PPP2R2B: variants seen among roughly 807,000 people sequenced by gnomAD.
PPP2R2B encodes serine/threonine-protein phosphatase 2A 55 kDa regulatory subunit B beta isoform.
A neutral mutation model predicts 46.0 loss-of-function variants in PPP2R2B; 5 were observed. The observed-to-expected ratio is 0.11, with a 90% CI of 0.06 to 0.23. The LOEUF (loss-of-function observed/expected upper bound fraction) is 0.23. Ranked by LOEUF, PPP2R2B falls within the 10% of genes least tolerant of loss-of-function variation. PPP2R2B has a pLI of 1.00. For synonymous variants in PPP2R2B, 215 were observed against 206.7 expected (o/e 1.04, Z -0.34); for missense variants, 367 against 575.0 (o/e 0.64, Z 3.70).
intron 2 of PPP2R2B, among the ~76,000 whole-genome samples, chr5:146,859,737 T>C (rs1345985896): frequency 6.6e-6 from 1 of 152,188 alleles, no homozygotes; most frequent in Non-Finnish European, 1.5e-5. Context: ...AAAACTACCA[T>C]GTAAATGAAC....
intron 1 of PPP2R2B, among the ~76,000 whole-genome samples, chr5:146,899,562 C>T (rs931573023): frequency 6.6e-6 from 1 of 151,772 alleles, no homozygotes; most frequent in African/African-American, 2.4e-5. Flanking sequence ...CAGCATGGAA[C>T]ATGTATACAT....
intron 1 of PPP2R2B, among the ~76,000 whole-genome samples, chr5:146,912,191 A>G (rs1240732447): frequency 7.1e-6 from 1 of 141,680 alleles, no homozygotes; most frequent in African/African-American, 2.7e-5. Flanking sequence ...GTGAGCCGAG[A>G]TCGCGCCACT....
At chr5:146,700,802 GAAGTT>G in intron 3 of PPP2R2B, among the ~76,000 whole-genome samples, 1 of 152,326 alleles carries the variant, frequency 6.6e-6, no homozygotes, top group Admixed American at 6.5e-5. Context: ...GGCGAGAAGT[GAAGTT>G]GTTTTGCAGG....
chr5:147,004,941 T>C (rs903419176), intron 1 of PPP2R2B, among the ~76,000 whole-genome samples: 1 of 152,126 alleles, frequency 6.6e-6, no homozygotes, highest in African/African-American at 2.4e-5. Flanking sequence ...GCCGTCTTAG[T>C]GTCAGAGGCT....
chr5:146,754,430 T>C (rs1411733236), intron 2 of PPP2R2B, among the ~76,000 whole-genome samples: 1 of 152,166 alleles, frequency 6.6e-6, no homozygotes, highest in Non-Finnish European at 1.5e-5. Flanking sequence ...AAAACTAAGA[T>C]TGTTAAGCGA....
At chr5:146,862,874 A>C (rs1003881135) in intron 2 of PPP2R2B, among the ~76,000 whole-genome samples, 6 of 151,910 alleles carry the variant, frequency 3.9e-5, no homozygotes, top group Non-Finnish European at 7.4e-5. Context: ...AAAAAAAAAA[A>C]AAACCCTGGC....
At chr5:146,663,015 T>C (rs928251885) in intron 5 of PPP2R2B, among the ~76,000 whole-genome samples, 8 of 152,210 alleles carry the variant, frequency 5.3e-5, no homozygotes, top group Non-Finnish European at 1.2e-4. Context: ...ATGAATCTTT[T>C]AATTTTTAAC....
At chr5:146,932,377 G>T (rs1763996803) in intron 1 of PPP2R2B, among the ~76,000 whole-genome samples, 1 of 152,154 alleles carries the variant, frequency 6.6e-6, no homozygotes, top group Non-Finnish European at 1.5e-5. Context: ...TCGTGGGAGG[G>T]TCCCAGTGGG....
intron 8 of PPP2R2B, among the ~76,000 whole-genome samples, chr5:146,598,329 A>G (rs1374075663): frequency 6.6e-6 from 1 of 152,004 alleles, no homozygotes; most frequent in Non-Finnish European, 1.5e-5. Flanking sequence ...CTCTCATCTC[A>G]CTGGCTAGTT....
intron 2 of PPP2R2B, among the ~76,000 whole-genome samples, chr5:146,719,524 T>C (rs1031760085): frequency 2.0e-5 from 3 of 152,152 alleles, no homozygotes; most frequent in African/African-American, 7.2e-5. Flanking sequence ...GAGGATTAAA[T>C]GAGATAAGGA....
At chr5:147,042,611 A>G (rs1041765340) in intron 1 of PPP2R2B, among the ~76,000 whole-genome samples, 1 of 152,198 alleles carries the variant, frequency 6.6e-6, no homozygotes, top group African/African-American at 2.4e-5. Context: ...ACAAAGATTT[A>G]TCATTCACTA....
chr5:146,712,723 C>T (rs1780280398), intron 2 of PPP2R2B, among the ~76,000 whole-genome samples: 1 of 152,174 alleles, frequency 6.6e-6, no homozygotes, highest in Non-Finnish European at 1.5e-5. Context: ...CCACTCTGTG[C>T]ATCCCTCCCA....
Position 147,069,785 on chromosome 5 carries a change from GTTTTTTTTTT to G in PPP2R2B, c.50+11264_50+11273del, listed in dbSNP as rs540998224. On this transcript the variant is annotated intron_variant, in intron 2 of 10. Transcript: ENST00000394413. ...CTCCCACATGAACACATTTTATACTGTTTTTTTTTTTTTTTTTTTTTTTGAGATGGAGTCT... is the reference window on the plus strand; with the variant it reads ...CTCCCACATGAACACATTTTATACTGTTTTTTTTTTTTTGAGATGGAGTCT... 1.3e-3 allele frequency among the ~76,000 whole-genome samples: 83 copies of G among 64,790 alleles called. 1 individual carries two copies. Among genetic ancestry groups the G allele is most frequent in the African/African-American group, 5.6e-3 (74 of 13,262 alleles). 42.5% of individuals were successfully genotyped at this position (64,790 alleles called of 152,430 possible).
intron 5 of PPP2R2B, among the ~76,000 whole-genome samples, chr5:146,658,536 A>G (rs1005749314): frequency 3.9e-5 from 6 of 152,202 alleles, no homozygotes; most frequent in Non-Finnish European, 8.8e-5. Flanking sequence ...TTCAATGAGA[A>G]TACCATTCCC....
chr5:146,983,559 C>T (rs1196460866), intron 1 of PPP2R2B, among the ~76,000 whole-genome samples: 3 of 152,280 alleles, frequency 2.0e-5, no homozygotes, highest in African/African-American at 7.2e-5. Flanking sequence ...ATCACACTCT[C>T]CTGGGGGCGT....
chr5:147,043,646 C>T (rs1417607664), intron 1 of PPP2R2B, among the ~76,000 whole-genome samples: 1 of 152,154 alleles, frequency 6.6e-6, no homozygotes, highest in Non-Finnish European at 1.5e-5. Context: ...CTATTTACTT[C>T]CTCAGACTTT....
intron 1 of PPP2R2B, among the ~76,000 whole-genome samples, chr5:146,988,283 T>C (rs1355683362): frequency 6.6e-6 from 1 of 151,918 alleles, no homozygotes; most frequent in East Asian, 1.9e-4. Context: ...ACAGATATTA[T>C]AAAACATACC....
intron 1 of PPP2R2B, among the ~76,000 whole-genome samples, chr5:146,916,936 T>TA: frequency 6.6e-6 from 1 of 152,328 alleles, no homozygotes; most frequent in East Asian, 1.9e-4. Flanking sequence ...TTTGCTCATC[T>TA]AAAAATTACT....
chr5:146,626,225 C>T (rs924057955), intron 7 of PPP2R2B, among the ~76,000 whole-genome samples: 7 of 149,112 alleles, frequency 4.7e-5, no homozygotes, highest in Admixed American at 7.6e-5. Context: ...AGGGGAAAAA[C>T]GGGCAGCTAA....
Sources: allele counts gnomAD v4.1 joint callset (sites outside exome capture counted in the v4.1 genomes callset), GRCh38; gene constraint gnomAD v4.1.1; transcripts MANE v1.5; gene names NCBI Gene and HGNC (gene_info 2026-07-23, HGNC 2026-07-21).